The following NTNG1 variants were observed in gnomAD, a reference collection of about 807,000 sequenced individuals.
NTNG1 encodes the protein netrin-G1.
Under a neutral mutation model 54.0 loss-of-function variants are expected in NTNG1, and 16 were observed. The ratio of observed to expected loss-of-function variants is 0.30; its 90% CI spans 0.20 to 0.45. The LOEUF is 0.45. Ranked by LOEUF, NTNG1 falls within the 20% of genes least tolerant of loss-of-function variation. NTNG1 has a pLI of 1.00. For synonymous variants in NTNG1, 255 were observed against 263.1 expected (o/e 0.97, Z 0.30); for missense variants, 530 against 678.7 (o/e 0.78, Z 2.43).
chr1:107,264,182 C>T (rs1193925430), intron 2 of NTNG1, among the ~76,000 whole-genome samples: 3 of 152,042 alleles, frequency 2.0e-5, no homozygotes, highest in Non-Finnish European at 4.4e-5. Flanking sequence ...TTCTATTTTT[C>T]AGAATTCTTA....
intron 3 of NTNG1, among the ~76,000 whole-genome samples, chr1:107,385,187 G>GT (rs1671884462): frequency 6.6e-6 from 1 of 152,184 alleles, no homozygotes; most frequent in African/African-American, 2.4e-5. Context: ...ACAGACTCAC[G>GT]TTAACAGTGC....
At chr1:107,347,867 G>T (rs1008321900) in intron 3 of NTNG1, among the ~76,000 whole-genome samples, 10 of 152,030 alleles carry the variant, frequency 6.6e-5, no homozygotes, top group Non-Finnish European at 1.3e-4. Context: ...ATCAGATCTC[G>T]TGAGAACTCC....
At chr1:107,260,185 A>G (rs1438289310) in intron 2 of NTNG1, among the ~76,000 whole-genome samples, 1 of 152,230 alleles carries the variant, frequency 6.6e-6, no homozygotes. Context: ...CTGTGATAAC[A>G]TCATATAAAG....
intron 3 of NTNG1, among the ~76,000 whole-genome samples, chr1:107,361,634 C>T (rs903873536): frequency 1.3e-5 from 2 of 151,578 alleles, no homozygotes; most frequent in East Asian, 1.9e-4. Flanking sequence ...GTGATCCACC[C>T]GCCTCGGCCT....
intron 2 of NTNG1, among the ~76,000 whole-genome samples, chr1:107,314,925 T>A (rs982201398): frequency 1.3e-5 from 2 of 152,228 alleles, no homozygotes; most frequent in African/African-American, 4.8e-5. Flanking sequence ...GGTGTTGTTA[T>A]GAAGAAATGA....
chr1:107,222,395 T>C (rs1286568774), intron 2 of NTNG1, among the ~76,000 whole-genome samples: 2 of 152,190 alleles, frequency 1.3e-5, no homozygotes, highest in East Asian at 3.8e-4. Context: ...AGTTACTTGA[T>C]GTAGCTAACA....
At chr1:107,268,536 C>T (rs931545776) in intron 2 of NTNG1, among the ~76,000 whole-genome samples, 5 of 151,564 alleles carry the variant, frequency 3.3e-5, no homozygotes, top group African/African-American at 1.2e-4. Flanking sequence ...TATCCCCCAA[C>T]CTCTTAAGGT....
intron 2 of NTNG1, among the ~76,000 whole-genome samples, chr1:107,220,434 T>C (rs914803415): frequency 2.0e-5 from 3 of 152,256 alleles, no homozygotes; most frequent in East Asian, 3.8e-4. Context: ...AAGTGGGAGC[T>C]GCAAGTTAGT....
chr1:107,435,007 C>T (rs1166465563), intron 6 of NTNG1, among the ~76,000 whole-genome samples: 6 of 152,078 alleles, frequency 3.9e-5, no homozygotes, highest in Admixed American at 3.9e-4. Flanking sequence ...AAATGTTTTA[C>T]TGTTTTGTTT....
intron 2 of NTNG1, among the ~76,000 whole-genome samples, chr1:107,268,482 TC>T (rs1663901505): frequency 1.3e-5 from 1 of 78,428 alleles, no homozygotes; most frequent in Non-Finnish European, 2.6e-5. Context: ...CTGTCTCTCA[TC>T]ATATTTTTTT....
At chr1:107,386,490 G>A (rs946252904) in intron 3 of NTNG1, among the ~76,000 whole-genome samples, 5 of 152,032 alleles carry the variant, frequency 3.3e-5, no homozygotes, top group East Asian at 1.9e-4. Context: ...CAGATATTAC[G>A]TGGCCTTTTG....
Position 107,483,728 on chromosome 1 carries a change from T to G in NTNG1, c.*2888T>G, listed in dbSNP as rs1678868171. On this transcript the variant is annotated 3_prime_UTR_variant, in exon 8 of 8. Coordinates refer to ENST00000370068, the MANE Select transcript of NTNG1 (RefSeq NM_001113226.3). ...CCCTTAAAGTGGCTTAATGTAGTCT[T>G]GCATATGAGTTAATCTATCAACTTT... Among the ~76,000 whole-genome samples the G allele has an allele frequency of 6.6e-6, 1 of 152,232 alleles. No homozygotes were observed. Among genetic ancestry groups the G allele is most frequent in the Non-Finnish European group, 1.5e-5 (1 of 68,046 alleles).
intron 2 of NTNG1, among the ~76,000 whole-genome samples, chr1:107,191,449 A>C (rs923316265): frequency 6.6e-6 from 1 of 151,858 alleles, no homozygotes; most frequent in Non-Finnish European, 1.5e-5. Flanking sequence ...CCATTTGTCA[A>C]TTGTGGCTTT....
chr1:107,480,989 A>G lies in NTNG1; in HGVS notation c.*149A>G. 2 of 620,890 alleles carry G rather than the reference A, an allele frequency of 3.2e-6. No individual in the cohort carries two copies. The highest frequency in any genetic ancestry group is 5.7e-6 in the Non-Finnish European group (2 of 352,978). The allele number at this position is 620,890 out of a possible 1,614,324, so 38.5% of individuals were successfully genotyped here. A position where few individuals can be genotyped will look rare whatever the true frequency, so the allele number is the denominator to read the frequency against. On this transcript the variant is annotated 3_prime_UTR_variant, in exon 8 of 8. Coordinates refer to ENST00000370068, the MANE Select transcript of NTNG1 (RefSeq NM_001113226.3). ...AGAAGGCCTAACTGAACTAAGCCAT[A>G]TTTATCACCCGTGGACAGCACATCC... is the stretch of plus-strand genomic sequence containing the variant.
intron 2 of NTNG1, among the ~76,000 whole-genome samples, chr1:107,217,819 A>G (rs1325984061): frequency 1.3e-5 from 2 of 152,112 alleles, no homozygotes; most frequent in Non-Finnish European, 2.9e-5. Context: ...AGTACTTGCT[A>G]TAATTTCAAT....
intron 2 of NTNG1, among the ~76,000 whole-genome samples, chr1:107,186,015 G>A (rs12092203): frequency 0.03 from 4,527 of 151,984 alleles, 215 homozygotes; most frequent in African/African-American, 0.1. Flanking sequence ...TGCATCCCTC[G>A]CCCTCACGCC....
In NTNG1 at chr1:107,420,073, G is replaced by C. The variant is rs17018990; in HGVS notation, c.1088-10677G>C. On this transcript the variant is annotated intron_variant, in intron 5 of 7. Transcript: ENST00000370068. ...TCAGTATTTCCTATTGAATTTCATA[G>C]TTCACAAATTATACAACACAGGCTC... 5.6e-3 allele frequency among the ~76,000 whole-genome samples: 853 copies of C among 152,078 alleles called. 13 individuals carry two copies. The highest frequency in any genetic ancestry group is 0.02 in the African/African-American group (814 of 41,490).
At position 107,446,892 on chromosome 1, in the gene NTNG1, G is replaced by A. The variant is rs571219271; in HGVS notation, c.1390+10093G>A. Among the ~76,000 whole-genome samples the A allele has an allele frequency of 2.6e-5, 4 of 152,182 alleles. No homozygotes were observed. The South Asian group carries it at 8.3e-4, about 32-fold the overall frequency. On this transcript the variant is annotated intron_variant, in intron 7 of 7. Coordinates refer to ENST00000370068, the MANE Select transcript of NTNG1 (RefSeq NM_001113226.3). Reference sequence around the variant, plus strand: ...TATAGGCACATACTGTATGCTCATGGAAATTTAGACTTACGCACAGTTCAT... The same window carrying A: ...TATAGGCACATACTGTATGCTCATGAAAATTTAGACTTACGCACAGTTCAT...
intron 2 of NTNG1, among the ~76,000 whole-genome samples, chr1:107,285,924 G>T (rs536594172): frequency 1.3e-5 from 2 of 151,960 alleles, no homozygotes; most frequent in South Asian, 4.2e-4. Flanking sequence ...GCTCCTCACC[G>T]CTATCTCTTG....
Sources: allele counts gnomAD v4.1 joint callset (sites outside exome capture counted in the v4.1 genomes callset), GRCh38; gene constraint gnomAD v4.1.1; transcripts MANE v1.5; gene names NCBI Gene and HGNC (gene_info 2026-07-23, HGNC 2026-07-21).